The following ARPC5 variants were observed in gnomAD, a reference collection of about 807,000 sequenced individuals.
The protein encoded by ARPC5 is actin-related protein 2/3 complex subunit 5.
Under a neutral mutation model 15.4 loss-of-function variants are expected in ARPC5, and 5 were observed. That is an observed-to-expected ratio of 0.32 (90% CI 0.17 to 0.68). ARPC5 has a LOEUF of 0.68. Ranked by LOEUF, ARPC5 falls within the 30% of genes least tolerant of loss-of-function variation. The pLI, the probability that ARPC5 is intolerant of heterozygous loss-of-function variation, is 0.71. For missense variants in ARPC5, 138 were observed against 192.8 expected (o/e 0.72, Z 1.68); for synonymous variants, 85 against 72.2 (o/e 1.18, Z -0.90).
rs1361764895 is a variant in ARPC5 at position 183,635,540 on chromosome 1, G to T, written c.120C>A (p.Gly40=). 13 of 1,612,498 alleles carry T rather than the reference G, an allele frequency of 8.1e-6. No homozygotes were observed. Among genetic ancestry groups the T allele is most frequent in the African/African-American group, 1.3e-5 (1 of 74,878 alleles). Reference sequence around the variant, plus strand: ...ATTGCCGCAGGCAGGAGTCCACCTCGCCCTCGTCGGGCCCGGCCTGGCCGT... The same window carrying T: ...ATTGCCGCAGGCAGGAGTCCACCTCTCCCTCGTCGGGCCCGGCCTGGCCGT... The part of the protein sequence containing the change: ...GGDGQAGPDE[G]EVDSCLRQGN... Residue 40 remains glycine (G), a synonymous_variant, in exon 1 of 4, where the codon GGC becomes GGA. Coordinates refer to ENST00000359856, the MANE Select transcript of ARPC5 (RefSeq NM_005717.4).
rs1649473634 is a variant in ARPC5, at chr1:183,635,707, C to T, written c.-48G>A. On this transcript the variant is annotated 5_prime_UTR_variant, in exon 1 of 4. Coordinates refer to ENST00000359856, the MANE Select transcript of ARPC5 (RefSeq NM_005717.4). ...GGCCTCTTCTTGGCGCTGCCTCTAC[C>T]TCAGCAAGCCCAGCCCAGCAACCCA... is the stretch of plus-strand genomic sequence containing the variant. 6.3e-7 allele frequency: 1 copy of T among 1,586,944 alleles called. No homozygotes were observed. Among genetic ancestry groups the T allele is most frequent in the Non-Finnish European group, 8.6e-7 (1 of 1,165,040 alleles).
rs899277700 is a variant in ARPC5 at position 183,629,553 on chromosome 1, G to A, written c.393+908C>T. ...TCAAACACTCAATATTTTTATGACT[G>A]GTTCTATTTACATGTTATCCAGTTT... On this transcript the variant is annotated intron_variant, in intron 3 of 3. Coordinates refer to ENST00000359856, the MANE Select transcript of ARPC5 (RefSeq NM_005717.4). Among the ~76,000 whole-genome samples, 5 of 151,976 alleles carry A rather than the reference G, an allele frequency of 3.3e-5. No homozygotes were observed. The East Asian group carries it at 9.6e-4, about 29-fold the overall frequency.
Position 183,633,097 on chromosome 1 carries a change from C to G in ARPC5, c.201G>C (p.Lys67Asn). ...AALKNPPINT[K>N]SQAVKDRAGS... ...TGCGACTCACCTTCACTGCCTGACT[C>G]TTGGTGTTGATAGGGGGGTTCTTCA... Residue 67 changes from lysine to asparagine, a missense_variant, in exon 2 of 4, where the codon AAG becomes AAC. This residue lies in a region of ARPC5 where 121 missense variants were observed against 153.7 expected (regional missense o/e 0.79). Coordinates refer to ENST00000359856, the MANE Select transcript of ARPC5 (RefSeq NM_005717.4). 2 of 1,605,678 alleles carry G rather than the reference C, an allele frequency of 1.2e-6. No individual in the cohort carries two copies. The highest frequency in any genetic ancestry group is 1.7e-6 in the Non-Finnish European group (2 of 1,176,462).
intron 2 of ARPC5, 187 bp from the exon 3 acceptor site, chr1:183,630,824 G>A: frequency 1.9e-6 from 1 of 538,150 alleles, no homozygotes; most frequent in Non-Finnish European, 3.2e-6. Flanking sequence ...TGTGTTCAGT[G>A]TGTTCCAGGA....
Position 183,625,714 on chromosome 1 carries a change from C to T in ARPC5, c.*1818G>A, listed in dbSNP as rs1649076573. ...TGGGCAGCATAGCAAGTCCCCATCTCTAAGTAATATTTAAGAATAATACCT... is the reference window on the plus strand; with the variant it reads ...TGGGCAGCATAGCAAGTCCCCATCTTTAAGTAATATTTAAGAATAATACCT... On this transcript the variant is annotated 3_prime_UTR_variant, in exon 4 of 4. Coordinates refer to ENST00000359856, the MANE Select transcript of ARPC5 (RefSeq NM_005717.4). 6.6e-6 allele frequency: 1 copy of T among 152,242 alleles called. No individual in the cohort carries two copies. The highest frequency in any genetic ancestry group is 6.5e-5 in the Admixed American group (1 of 15,270). 9.4% of individuals were successfully genotyped at this position (152,242 alleles called of 1,614,324 possible). A position where few individuals can be genotyped will look rare whatever the true frequency, so the allele number is the denominator to read the frequency against.
In ARPC5 at chr1:183,628,172, C is replaced by CAAAAAAA. The variant is rs3068220; in HGVS notation, c.394-585_394-579dup. Among the ~76,000 whole-genome samples, 89 of 46,052 alleles carry CAAAAAAA rather than the reference C, an allele frequency of 1.9e-3. 6 individuals are homozygous for CAAAAAAA. The highest frequency in any genetic ancestry group is 0.015 in the East Asian group (19 of 1,248). The allele number at this position is 46,052 out of a possible 152,430, so 30.2% of individuals were successfully genotyped here. A position where few individuals can be genotyped will look rare whatever the true frequency, so the allele number is the denominator to read the frequency against. The stretch of plus-strand genomic sequence containing the variant: ...TGGGCGACAGAGCAAGACTCCGTCT[C>CAAAAAAA]AAAAAAAAAAAAAAAAAAAAAAAAA... On this transcript the variant is annotated intron_variant, in intron 3 of 3. Transcript: ENST00000359856.
At chr1:183,631,579 C>CAAAA (rs56947109) in intron 2 of ARPC5, 3 of 70,202 alleles carry the variant, frequency 4.3e-5, no homozygotes, top group Admixed American at 1.4e-4. Context: ...GACTCCGTCT[C>CAAAA]AAAAAAAAAA....
In ARPC5 at chr1:183,631,758, T is replaced by C. The variant is rs534261853; in HGVS notation, c.217-1121A>G. Reference sequence around the variant, plus strand: ...AATTTATATGAATTGACTGTAGATATGAAATATAGTGATGTTCATTAATAA... The same window carrying C: ...AATTTATATGAATTGACTGTAGATACGAAATATAGTGATGTTCATTAATAA... On this transcript the variant is annotated intron_variant, in intron 2 of 3. Transcript: ENST00000359856. 16 of 152,332 alleles carry C rather than the reference T, an allele frequency of 1.1e-4. No homozygotes were observed. The East Asian group carries it at 2.7e-3, about 26-fold the overall frequency. 9.4% of individuals were successfully genotyped at this position (152,332 alleles called of 1,614,324 possible).
rs547475668 is a variant in ARPC5, at chr1:183,635,491, G to T, written c.143+26C>A. On this transcript the variant is annotated intron_variant, in intron 1 of 3. Coordinates refer to ENST00000359856, the MANE Select transcript of ARPC5 (RefSeq NM_005717.4). ...AGGGCGGGCTGGGCTGGGCTGGGGT[G>T]GGGAGGGCGGTGAATGCAAGGATAT... 6.9e-6 allele frequency: 11 copies of T among 1,592,854 alleles called. No homozygotes were observed. The South Asian group carries it at 1.3e-4, about 18-fold the overall frequency.
At chr1:183,634,931 A>T (rs549702822) in intron 1 of ARPC5, among the ~76,000 whole-genome samples, 25 of 117,976 alleles carry the variant, frequency 2.1e-4, no homozygotes, top group South Asian at 1.8e-3. Flanking sequence ...TTTTTTTTTT[A>T]AAAAGGCCAA....
In ARPC5 at chr1:183,623,465, G is replaced by C. The variant is rs1199728836; in HGVS notation, c.*4067C>G. 1.3e-6 allele frequency: 2 copies of C among 1,550,344 alleles called. No individual in the cohort carries two copies. Among genetic ancestry groups the C allele is most frequent in the South Asian group, 1.2e-5 (1 of 84,056 alleles). On this transcript the variant is annotated 3_prime_UTR_variant, in exon 4 of 4. Coordinates refer to ENST00000359856, the MANE Select transcript of ARPC5 (RefSeq NM_005717.4). Reference sequence around the variant, plus strand: ...CTCCTCCATATCTGGAATCATACAAGAGGCACCTGCACAGAACGTTTTCAC... The same window carrying C: ...CTCCTCCATATCTGGAATCATACAACAGGCACCTGCACAGAACGTTTTCAC...
In ARPC5 at chr1:183,626,543, T is replaced by C. The variant is rs1649102535; in HGVS notation, c.*989A>G. On this transcript the variant is annotated 3_prime_UTR_variant, in exon 4 of 4. Coordinates refer to ENST00000359856, the MANE Select transcript of ARPC5 (RefSeq NM_005717.4). ...ACACTGAGCTAAAACACAGAATGTG[T>C]ATTTGTTTGGATCTGAACCAAATCT... The C allele has an allele frequency of 6.6e-6, 1 of 152,652 alleles. No homozygotes were observed. The highest frequency in any genetic ancestry group is 2.1e-4 in the South Asian group (1 of 4,830). 9.5% of individuals were successfully genotyped at this position (152,652 alleles called of 1,614,324 possible).
Position 183,633,071 on chromosome 1 carries a change from C to A in ARPC5, c.216+11G>T. On this transcript the variant is annotated intron_variant, in intron 2 of 3. Coordinates refer to ENST00000359856, the MANE Select transcript of ARPC5 (RefSeq NM_005717.4). ...TCAGCAGAGATCACTGTGTTGTAGT[C>A]TGCGACTCACCTTCACTGCCTGACT... 1.3e-6 allele frequency: 2 copies of A among 1,593,614 alleles called. No homozygotes were observed. Among genetic ancestry groups the A allele is most frequent in the South Asian group, 2.3e-5 (2 of 88,802 alleles).
At chr1:183,630,856 T>C (rs1649243091) in intron 2 of ARPC5, 2 of 443,780 alleles carry the variant, frequency 4.5e-6, no homozygotes, top group African/African-American at 4.0e-5. Context: ...CCCAATGTGG[T>C]TGGAGTGGAT....
rs1352199849 is a variant in ARPC5, at chr1:183,635,726, C to T, written c.-67G>A. 8 of 1,559,198 alleles carry T rather than the reference C, an allele frequency of 5.1e-6. No individual in the cohort carries two copies. Among genetic ancestry groups the T allele is most frequent in the Non-Finnish European group, 7.0e-6 (8 of 1,151,028 alleles). ...CTCTACCTCAGCAAGCCCAGCCCAG[C>T]AACCCACTACCCGGCGCCTGATTCA... On this transcript the variant is annotated 5_prime_UTR_variant, in exon 1 of 4. Transcript: ENST00000359856.
intron 2 of ARPC5, 111 bp from the exon 3 acceptor site, chr1:183,630,748 G>T: frequency 1.0e-6 from 1 of 996,714 alleles, no homozygotes; most frequent in Non-Finnish European, 1.4e-6. Context: ...CCTGAAGGAC[G>T]TGAAAGAAGG....
intron 2 of ARPC5, chr1:183,630,883 C>T (rs777287369): frequency 4.3e-5 from 17 of 393,504 alleles, no homozygotes; most frequent in African/African-American, 2.7e-4. Context: ...GAGAAAAGCA[C>T]GTGAGTAAGT....
Position 183,623,796 on chromosome 1 carries a change from G to A in ARPC5, c.*3736C>T, listed in dbSNP as rs1649005698. On this transcript the variant is annotated 3_prime_UTR_variant, in exon 4 of 4. Coordinates refer to ENST00000359856, the MANE Select transcript of ARPC5 (RefSeq NM_005717.4). The stretch of plus-strand genomic sequence containing the variant: ...CCAGTGCTTTGGGAGGCGGAGGAGG[G>A]TGGATCACCTGAGGTCAGGAGTTCA... The A allele has an allele frequency of 2.9e-6, 1 of 348,220 alleles. No individual in the cohort carries two copies. Among genetic ancestry groups the A allele is most frequent in the Non-Finnish European group, 5.4e-6 (1 of 186,754 alleles). The allele number at this position is 348,220 out of a possible 1,614,324, so 21.6% of individuals were successfully genotyped here.
intron 2 of ARPC5, chr1:183,631,283 A>C (rs534224515): frequency 6.6e-6 from 1 of 152,130 alleles, no homozygotes; most frequent in African/African-American, 2.4e-5. Flanking sequence ...TAAAAAAAAA[A>C]AATCCCAACA....
Sources: gnomAD v4.1 joint callset for allele counts (sites outside exome capture counted in the v4.1 genomes callset) on GRCh38, gnomAD v4.1.1 for gene constraint, gnomAD v4.1.1 regional missense constraint, MANE v1.5 for transcripts, NCBI Gene and HGNC (gene_info 2026-07-23, HGNC 2026-07-21) for gene names.